SMPD3: variants seen among roughly 807,000 people sequenced by gnomAD.
SMPD3 encodes the protein sphingomyelin phosphodiesterase 3.
In SMPD3, 21 loss-of-function variants were observed where a neutral mutation model predicts 55.7. The ratio of observed to expected loss-of-function variants is 0.38; its 90% CI spans 0.27 to 0.54. SMPD3 has a LOEUF of 0.54. Ranked by LOEUF, SMPD3 falls within the 20% of genes least tolerant of loss-of-function variation. The pLI is 0.80. For synonymous variants in SMPD3, 457 were observed against 404.3 expected, an observed-to-expected ratio of 1.13 and a Z score of -1.56; for missense variants, 842 against 899.6, an observed-to-expected ratio of 0.94 and a Z score of 0.82.
chr16:68,443,739 T>A (rs2090585910), intron 1 of SMPD3, among the ~76,000 whole-genome samples: 2 of 152,264 alleles, frequency 1.3e-5, no homozygotes, highest in Admixed American at 6.5e-5. Flanking sequence ...TGTGTCTAAA[T>A]CCTAGTGGGT....
Position 68,361,654 on chromosome 16 carries a change from G to T in SMPD3, c.1815C>A (p.Arg605=), listed in dbSNP as rs901426239. ...RKELLKGNGR[R]IDYMLHAEEG... The stretch of plus-strand genomic sequence containing the variant: ...CCTCTGCATGCAGCATGTAGTCGAT[G>T]CGCCGGCCGTTGCCCTTCAGCAGCT... Residue 605 remains arginine (R), a synonymous_variant, in exon 8 of 9, where the codon CGC becomes CGA. Transcript: ENST00000219334. 3 of 1,612,010 alleles carry T rather than the reference G, an allele frequency of 1.9e-6. No homozygotes were observed. Among genetic ancestry groups the T allele is most frequent in the African/African-American group, 2.7e-5 (2 of 75,054 alleles).
intron 1 of SMPD3, among the ~76,000 whole-genome samples, chr16:68,426,271 C>T (rs1239178879): frequency 6.6e-6 from 1 of 152,172 alleles, no homozygotes; most frequent in East Asian, 1.9e-4. Context: ...CAGGTGTACC[C>T]ACAAGGAAAT....
chr16:68,384,337 C>T (rs944298479), intron 2 of SMPD3, among the ~76,000 whole-genome samples: 2 of 152,230 alleles, frequency 1.3e-5, no homozygotes, highest in Admixed American at 6.5e-5. Context: ...CCACCCATGG[C>T]CCCTGGGATA....
At chr16:68,430,223 C>A (rs2090468801) in intron 1 of SMPD3, among the ~76,000 whole-genome samples, 1 of 151,916 alleles carries the variant, frequency 6.6e-6, no homozygotes. Flanking sequence ...CCTCTATGCC[C>A]CCTCCCTCCA....
In SMPD3 at chr16:68,371,303, G is replaced by T; in HGVS notation, c.879C>A (p.Gly293=). The change falls in exon 3 of 9, where the codon GGC becomes GGA. Residue 293 remains glycine (G), a synonymous_variant. Transcript: ENST00000219334. ...NQQDGDSGSL[G]SPSASRESLV... ...GGGACTCCCGGGAGGCCGAGGGGCTGCCCAGGCTCCCTGAATCCCCGTCCT... is the reference window on the plus strand; with the variant it reads ...GGGACTCCCGGGAGGCCGAGGGGCTTCCCAGGCTCCCTGAATCCCCGTCCT... 1 of 1,601,020 alleles carries T rather than the reference G, an allele frequency of 6.2e-7. No homozygotes were observed. Among genetic ancestry groups the T allele is most frequent in the Non-Finnish European group, 8.5e-7 (1 of 1,178,980 alleles).
At chr16:68,424,884 G>C (rs983612804) in intron 1 of SMPD3, among the ~76,000 whole-genome samples, 1 of 152,076 alleles carries the variant, frequency 6.6e-6, no homozygotes, top group African/African-American at 2.4e-5. Context: ...CTAATTTTTT[G>C]TATTTTTGGT....
chr16:68,379,225 C>T (rs766712630), intron 2 of SMPD3, among the ~76,000 whole-genome samples: 1 of 152,212 alleles, frequency 6.6e-6, no homozygotes. Flanking sequence ...CTGGCCTGTG[C>T]CTTATCGGCA....
In SMPD3 at chr16:68,404,715, C is replaced by G. The variant is rs1303916739; in HGVS notation, c.-268-18056G>C. On this transcript the variant is annotated intron_variant, in intron 1 of 8. Transcript: ENST00000219334. This position sits in a 1 kb window ranked among gnomAD's most constrained non-coding sequence, Gnocchi z 4.0. Reference sequence around the variant, plus strand: ...AGAGGCTGTTATCTTTGTATAGATGCTGGGGGCATCAGGACAGCCTGAAAC... The same window carrying G: ...AGAGGCTGTTATCTTTGTATAGATGGTGGGGGCATCAGGACAGCCTGAAAC... Among the ~76,000 whole-genome samples the G allele has an allele frequency of 6.6e-6, 1 of 152,206 alleles. No homozygotes were observed. The highest frequency in any genetic ancestry group is 1.9e-4 in the East Asian group (1 of 5,198).
At chr16:68,397,790 A>G (rs925121971) in intron 1 of SMPD3, among the ~76,000 whole-genome samples, 4 of 151,976 alleles carry the variant, frequency 2.6e-5, no homozygotes, top group African/African-American at 9.7e-5. Flanking sequence ...TGGTCTCTTC[A>G]GGAAGCCTTC....
At chr16:68,400,969 G>C (rs773240758) in intron 1 of SMPD3, among the ~76,000 whole-genome samples, 5 of 152,240 alleles carry the variant, frequency 3.3e-5, no homozygotes, top group Admixed American at 3.3e-4. Context: ...GATTGGATCT[G>C]CTAGTTTTGC....
Position 68,404,733 on chromosome 16 carries a change from C to T in SMPD3, c.-268-18074G>A, listed in dbSNP as rs376901430. Among the ~76,000 whole-genome samples the T allele has an allele frequency of 2.6e-4, 39 of 152,342 alleles. No individual in the cohort carries two copies. Among genetic ancestry groups the T allele is most frequent in the African/African-American group, 8.4e-4 (35 of 41,580 alleles). ...ATAGATGCTGGGGGCATCAGGACAGCCTGAAACACTGTTTCCAGGAGTACA... is the reference window on the plus strand; with the variant it reads ...ATAGATGCTGGGGGCATCAGGACAGTCTGAAACACTGTTTCCAGGAGTACA... On this transcript the variant is annotated intron_variant, in intron 1 of 8. Coordinates refer to ENST00000219334, the MANE Select transcript of SMPD3 (RefSeq NM_018667.4). This position sits in a 1 kb window ranked among gnomAD's most constrained non-coding sequence, Gnocchi z 4.0.
chr16:68,427,754 G>GT (rs1339787222), intron 1 of SMPD3, among the ~76,000 whole-genome samples: 1 of 150,690 alleles, frequency 6.6e-6, no homozygotes, highest in East Asian at 1.9e-4. Flanking sequence ...AAAATGACTG[G>GT]GGGGGGGTGC....
chr16:68,364,734 G>T lies in SMPD3; in HGVS notation c.1555+17C>A. The T allele has an allele frequency of 6.2e-7, 1 of 1,604,770 alleles. No homozygotes were observed. Among genetic ancestry groups the T allele is most frequent in the East Asian group, 2.2e-5 (1 of 44,766 alleles). ...CCCCAGAGCTGGAGACCTGAGTGGG[G>T]AGGAGCCCGGCCTCACCAGAGGAGC... On this transcript the variant is annotated intron_variant, in intron 5 of 8. Coordinates refer to ENST00000219334, the MANE Select transcript of SMPD3 (RefSeq NM_018667.4).
intron 1 of SMPD3, among the ~76,000 whole-genome samples, chr16:68,421,707 AT>A (rs1404250280): frequency 6.6e-6 from 1 of 152,230 alleles, no homozygotes; most frequent in African/African-American, 2.4e-5. Context: ...AGCCATTGAC[AT>A]TCCAGGGCAC....
intron 1 of SMPD3, among the ~76,000 whole-genome samples, chr16:68,405,427 G>A (rs766006334): frequency 1.1e-4 from 16 of 151,566 alleles, no homozygotes; most frequent in Admixed American, 3.9e-4. Context: ...GCACACACCC[G>A]TGGTCCCAGC....
chr16:68,397,407 C>T (rs181884575), intron 1 of SMPD3, among the ~76,000 whole-genome samples: 5 of 152,342 alleles, frequency 3.3e-5, no homozygotes, highest in Admixed American at 3.3e-4. Context: ...ATAAACCCAG[C>T]AGGAACCAGG....
At chr16:68,379,679 A>G (rs977083864) in intron 2 of SMPD3, among the ~76,000 whole-genome samples, 1 of 152,226 alleles carries the variant, frequency 6.6e-6, no homozygotes, top group African/African-American at 2.4e-5. Flanking sequence ...GTGCGAGCCC[A>G]AGGCACAGGC....
At chr16:68,383,566 T>TG (rs2089995257) in intron 2 of SMPD3, among the ~76,000 whole-genome samples, 1 of 152,060 alleles carries the variant, frequency 6.6e-6, no homozygotes, top group African/African-American at 2.4e-5. Flanking sequence ...CCCCGCACCA[T>TG]GGGACTGCTC....
chr16:68,392,164 T>C (rs984680023), intron 1 of SMPD3, among the ~76,000 whole-genome samples: 5 of 152,232 alleles, frequency 3.3e-5, no homozygotes, highest in African/African-American at 1.2e-4. Flanking sequence ...AGTGCTGGGA[T>C]TACAAGCATA....
Sources: allele counts gnomAD v4.1 joint callset (sites outside exome capture counted in the v4.1 genomes callset), GRCh38; gene constraint gnomAD v4.1.1; non-coding constraint Gnocchi (gnomAD v3.1); transcripts MANE v1.5; gene names NCBI Gene and HGNC (gene_info 2026-07-23, HGNC 2026-07-21).